The following DOK6 variants were observed in gnomAD, a reference collection of about 807,000 sequenced individuals.
The protein encoded by DOK6 is downstream of tyrosine kinase 6.
Under a neutral mutation model 44.0 loss-of-function variants are expected in DOK6, and 22 were observed. The ratio of observed to expected loss-of-function variants is 0.50; its 90% CI spans 0.36 to 0.71. DOK6 has a LOEUF of 0.71. Ranked by LOEUF, DOK6 falls within the 30% of genes least tolerant of loss-of-function variation. DOK6 has a pLI of 0.00. For synonymous variants in DOK6, 166 were observed against 145.5 expected, an observed-to-expected ratio of 1.14 and a Z score of -1.01; for missense variants, 340 against 416.4, an observed-to-expected ratio of 0.82 and a Z score of 1.60.
intron 7 of DOK6, among the ~76,000 whole-genome samples, chr18:69,840,941 C>G (rs993009397): frequency 3.3e-5 from 5 of 152,182 alleles, no homozygotes; most frequent in African/African-American, 1.2e-4. Flanking sequence ...AGTTGAAGAA[C>G]AGCAGAAGTT....
chr18:69,716,419 A>G (rs1366106960), intron 5 of DOK6, among the ~76,000 whole-genome samples: 1 of 152,226 alleles, frequency 6.6e-6, no homozygotes, highest in African/African-American at 2.4e-5. Context: ...ATATGTTGCA[A>G]TGATGTTCTA....
intron 1 of DOK6, among the ~76,000 whole-genome samples, chr18:69,470,451 G>A (rs1350547946): frequency 6.6e-6 from 1 of 152,132 alleles, no homozygotes; most frequent in Non-Finnish European, 1.5e-5. Flanking sequence ...GAGTGGGTGG[G>A]AACCAAACAC....
intron 1 of DOK6, among the ~76,000 whole-genome samples, chr18:69,435,438 T>C (rs1978949811): frequency 6.6e-6 from 1 of 152,220 alleles, no homozygotes. Context: ...AACAGGCAAA[T>C]GTTTGGAATC....
chr18:69,476,051 A>T (rs191065886), intron 1 of DOK6, among the ~76,000 whole-genome samples: 3 of 151,818 alleles, frequency 2.0e-5, no homozygotes, highest in African/African-American at 7.3e-5. Flanking sequence ...CACCCCTCTC[A>T]CCTCCAATAG....
chr18:69,741,954 G>A (rs1978814863), intron 6 of DOK6, among the ~76,000 whole-genome samples: 1 of 152,156 alleles, frequency 6.6e-6, no homozygotes, highest in Non-Finnish European at 1.5e-5. Context: ...TTCTTACTAT[G>A]AAAGAAAATT....
chr18:69,566,236 A>G (rs1982978474), intron 2 of DOK6, among the ~76,000 whole-genome samples: 2 of 152,020 alleles, frequency 1.3e-5, no homozygotes, highest in African/African-American at 4.8e-5. Flanking sequence ...CTTCGGGTTC[A>G]CACCATTCTC....
intron 3 of DOK6, among the ~76,000 whole-genome samples, chr18:69,642,507 CACTT>C (rs948198946): frequency 9.9e-5 from 15 of 152,128 alleles, no homozygotes; most frequent in African/African-American, 3.6e-4. Context: ...ACAAAACAAA[CACTT>C]AAACACTTAT....
At chr18:69,617,730 G>GAAAGAAAGAGAAAGAAAAA in intron 3 of DOK6, among the ~76,000 whole-genome samples, 1 of 88,796 alleles carries the variant, frequency 1.1e-5, no homozygotes, top group African/African-American at 3.6e-5. Context: ...AAAGAAAAAA[G>GAAAGAAAGAGAAAGAAAAA]GGGGAAGGAG....
At chr18:69,606,457 A>G (rs994414669) in intron 3 of DOK6, among the ~76,000 whole-genome samples, 3 of 152,134 alleles carry the variant, frequency 2.0e-5, no homozygotes, top group African/African-American at 7.2e-5. Context: ...TAATCCATGA[A>G]TAAAAACTGA....
At chr18:69,459,865 G>A (rs1979739654) in intron 1 of DOK6, among the ~76,000 whole-genome samples, 1 of 152,088 alleles carries the variant, frequency 6.6e-6, no homozygotes, top group East Asian at 1.9e-4. Flanking sequence ...CCCAATTTTG[G>A]TGTTATATGT....
chr18:69,437,355 A>G (rs1979008766), intron 1 of DOK6, among the ~76,000 whole-genome samples: 1 of 152,206 alleles, frequency 6.6e-6, no homozygotes, highest in South Asian at 2.1e-4. Flanking sequence ...AAAGGGGTCC[A>G]GTTTCAGTCT....
At chr18:69,624,487 A>G (rs1177777362) in intron 3 of DOK6, among the ~76,000 whole-genome samples, 1 of 152,116 alleles carries the variant, frequency 6.6e-6, no homozygotes, top group Non-Finnish European at 1.5e-5. Context: ...AAATAATTGT[A>G]GTCTCACTGC....
intron 1 of DOK6, among the ~76,000 whole-genome samples, chr18:69,482,035 C>T (rs1041139794): frequency 1.2e-4 from 18 of 152,152 alleles, no homozygotes; most frequent in Admixed American, 3.9e-4. Context: ...TGAGAAGTGT[C>T]TGTTCATATC....
rs148635773 is a variant in DOK6, at chr18:69,424,966, G to A, written c.66+23656G>A. The stretch of plus-strand genomic sequence containing the variant: ...AAGGCGTAGGGGTCTCAGAATACTT[G>A]CCATCATGCTTCAGTGCCACTTGTG... On this transcript the variant is annotated intron_variant, in intron 1 of 7. Transcript: ENST00000382713. Among the ~76,000 whole-genome samples, 94 of 152,258 alleles carry A rather than the reference G, an allele frequency of 6.2e-4. 2 individuals carry two copies. The highest frequency in any genetic ancestry group is 2.2e-3 in the African/African-American group (91 of 41,568).
chr18:69,507,070 T>C (rs569979169), intron 1 of DOK6, among the ~76,000 whole-genome samples: 2 of 152,220 alleles, frequency 1.3e-5, no homozygotes, highest in Admixed American at 1.3e-4. Flanking sequence ...TCACCCAGGC[T>C]GGAGTGCAGT....
At chr18:69,838,773 C>T (rs944885997) in intron 7 of DOK6, among the ~76,000 whole-genome samples, 1 of 151,210 alleles carries the variant, frequency 6.6e-6, no homozygotes, top group African/African-American at 2.4e-5. Flanking sequence ...TAGCCCCTCC[C>T]CTAGAGCCTC....
chr18:69,479,535 T>C (rs1226882495), intron 1 of DOK6, among the ~76,000 whole-genome samples: 2 of 152,166 alleles, frequency 1.3e-5, no homozygotes, highest in Non-Finnish European at 2.9e-5. Context: ...AGATGTGCTT[T>C]CGGTAATATG....
intron 1 of DOK6, among the ~76,000 whole-genome samples, chr18:69,475,014 A>G (rs1348915858): frequency 6.6e-6 from 1 of 152,192 alleles, no homozygotes; most frequent in Non-Finnish European, 1.5e-5. Context: ...GAACCAAATA[A>G]TTATTTCACT....
chr18:69,634,238 AAAT>A (rs963031418), intron 3 of DOK6, among the ~76,000 whole-genome samples: 11 of 152,272 alleles, frequency 7.2e-5, no homozygotes, highest in African/African-American at 2.6e-4. Flanking sequence ...CTCAGTGTGG[AAAT>A]AATAATACCT....
Sources: allele counts gnomAD v4.1 joint callset (sites outside exome capture counted in the v4.1 genomes callset), GRCh38; gene constraint gnomAD v4.1.1; transcripts MANE v1.5; gene names NCBI Gene and HGNC (gene_info 2026-07-23, HGNC 2026-07-21).